Variants in CHST4 observed in about 807,000 individuals in gnomAD.
CHST4 encodes the protein carbohydrate sulfotransferase 4, also known as GST-3.
For missense variants in CHST4, 466 were observed against 506.0 expected, an observed-to-expected ratio of 0.92 and a Z score of 0.76; for synonymous variants, 171 against 195.5, an observed-to-expected ratio of 0.87 and a Z score of 1.05.
intron 1 of CHST4, among the ~76,000 whole-genome samples, chr16:71,532,980 T>C (rs564882243): frequency 8.5e-5 from 13 of 152,284 alleles, no homozygotes; most frequent in African/African-American, 1.7e-4. Context: ...CTAAGACATA[T>C]TGACAACTAA....
Position 71,537,693 on chromosome 16 carries a change from C to G in CHST4, c.1016C>G (p.Pro339Arg), listed in dbSNP as rs776139776. ...NVSQAWRWSL[P>R]YEKVSRLQKA... The stretch of plus-strand genomic sequence containing the variant: ...TCCCAGGCTTGGCGCTGGTCTTTGC[C>G]CTATGAAAAGGTTTCTCGACTTCAG... The change falls in exon 2 of 2, where the codon CCC becomes CGC. Residue 339 changes from proline (P) to arginine (R), a missense_variant. Pro to Arg is a moderately radical substitution (Grantham distance 103). Transcript: ENST00000539698. The surrounding 1 kb of genome is among the most constrained non-coding windows in gnomAD (Gnocchi z 4.2). 6.2e-7 allele frequency: 1 copy of G among 1,614,184 alleles called. No homozygotes were observed. The highest frequency in any genetic ancestry group is 1.1e-5 in the South Asian group (1 of 91,078).
intron 1 of CHST4, among the ~76,000 whole-genome samples, chr16:71,533,585 G>A (rs1004473710): frequency 2.0e-5 from 3 of 152,124 alleles, no homozygotes; most frequent in African/African-American, 7.2e-5. Context: ...GTAAAAAAGA[G>A]GGGACTGATT....
At chr16:71,530,163 C>A (rs764663251) in intron 1 of CHST4, among the ~76,000 whole-genome samples, 4 of 151,818 alleles carry the variant, frequency 2.6e-5, no homozygotes, top group Non-Finnish European at 4.4e-5. Flanking sequence ...AAAAAAAAGT[C>A]TCAGGAGAAA....
In CHST4 at chr16:71,537,216, G is replaced by C; in HGVS notation, c.539G>C (p.Arg180Pro). The C allele has an allele frequency of 6.2e-7, 1 of 1,614,152 alleles. No individual in the cohort carries two copies. Among genetic ancestry groups the C allele is most frequent in the South Asian group, 1.1e-5 (1 of 91,088 alleles). The change falls in exon 2 of 2, where the codon CGC becomes CCC. Residue 180 changes from arginine to proline, a missense_variant. By Grantham distance (103) the Arg-to-Pro change is moderately radical. Coordinates refer to ENST00000539698, the MANE Select transcript of CHST4 (RefSeq NM_001166395.2). This position sits in a 1 kb window ranked among gnomAD's most constrained non-coding sequence, Gnocchi z 4.2. ...AGCCACGTGGTGCTCAAGGAGGTGCGCTTCTTCAACCTGCAGTCCCTCTAC... is the reference window on the plus strand; with the variant it reads ...AGCCACGTGGTGCTCAAGGAGGTGCCCTTCTTCAACCTGCAGTCCCTCTAC... ...SYSHVVLKEV[R>P]FFNLQSLYPL...
At position 71,537,696 on chromosome 16, in the gene CHST4, A is replaced by C. The variant is rs1399024482; in HGVS notation, c.1019A>C (p.Tyr340Ser). ...CAGGCTTGGCGCTGGTCTTTGCCCT[A>C]TGAAAAGGTTTCTCGACTTCAGAAA... ...VSQAWRWSLPYEKVSRLQKAC... is the reference protein window; with the variant it reads ...VSQAWRWSLPSEKVSRLQKAC... Residue 340 changes from tyrosine to serine, a missense_variant, in exon 2 of 2, where the codon TAT (tyrosine) becomes TCT (serine). Physicochemically the swap from Tyr to Ser is moderately radical, Grantham distance 144. Coordinates refer to ENST00000539698, the MANE Select transcript of CHST4 (RefSeq NM_001166395.2). The surrounding 1 kb of genome is among the most constrained non-coding windows in gnomAD (Gnocchi z 4.2). The C allele has an allele frequency of 1.9e-6, 3 of 1,614,216 alleles. No individual in the cohort carries two copies. The South Asian group carries it at 3.3e-5, about 18-fold the overall frequency.
chr16:71,537,317 CGAGAA>C lies in CHST4; in HGVS notation c.641_645del (p.Arg214ProfsTer9), dbSNP rs763130415. The C allele has an allele frequency of 1.9e-6, 3 of 1,614,084 alleles. No homozygotes were observed. The Admixed American group carries it at 5.0e-5, about 27-fold the overall frequency. On this transcript the variant is annotated frameshift_variant, in exon 2 of 2. Coordinates refer to ENST00000539698, the MANE Select transcript of CHST4 (RefSeq NM_001166395.2). LOFTEE classifies it low-confidence loss of function (END_TRUNC). This position sits in a 1 kb window ranked among gnomAD's most constrained non-coding sequence, Gnocchi z 4.2. ...GGACCCCCGGGCCGTGTTCCGTTCC[CGAGAA>C]CGCACAAAGGGAGATCTCATGATTG...
chr16:71,538,630 T>C lies in CHST4; in HGVS notation c.*792T>C, dbSNP rs916689187. ...ATCTTTATTGGTTTTTTAAAACACC[T>C]TTGCTATTATCTATCACCCATTTAT... On this transcript the variant is annotated 3_prime_UTR_variant, in exon 2 of 2. Coordinates refer to ENST00000539698, the MANE Select transcript of CHST4 (RefSeq NM_001166395.2). The C allele has an allele frequency of 1.6e-4, 26 of 165,866 alleles. No homozygotes were observed. Among genetic ancestry groups the C allele is most frequent in the African/African-American group, 6.3e-4 (26 of 41,466 alleles). The allele number at this position is 165,866 out of a possible 1,614,324, so 10.3% of individuals were successfully genotyped here. A position where few individuals can be genotyped will look rare whatever the true frequency, so the allele number is the denominator to read the frequency against.
At chr16:71,527,719 G>A (rs1317205585) in intron 1 of CHST4, among the ~76,000 whole-genome samples, 1 of 152,044 alleles carries the variant, frequency 6.6e-6, no homozygotes, top group East Asian at 1.9e-4. Flanking sequence ...ACTCTAGCCT[G>A]GGCAACAAGA....
Position 71,537,500 on chromosome 16 carries a change from C to T in CHST4, c.823C>T (p.Arg275Cys). 1.2e-6 allele frequency: 2 copies of T among 1,614,150 alleles called. No homozygotes were observed. Among genetic ancestry groups the T allele is most frequent in the Non-Finnish European group, 1.7e-6 (2 of 1,180,030 alleles). The part of the protein sequence containing the change: ...KALQERYLLV[R>C]YEDLARAPVA... ...CCTGCAGGAACGCTACCTGCTTGTG[C>T]GCTATGAGGACCTGGCTCGAGCCCC... Residue 275 changes from arginine to cysteine, a missense_variant, in exon 2 of 2, where the codon CGC becomes TGC. Transcript: ENST00000539698. This position sits in a 1 kb window ranked among gnomAD's most constrained non-coding sequence, Gnocchi z 4.2.
At chr16:71,528,077 AC>A (rs1473302471) in intron 1 of CHST4, among the ~76,000 whole-genome samples, 27 of 151,994 alleles carry the variant, frequency 1.8e-4, no homozygotes. Flanking sequence ...GGAGTTCGAG[AC>A]CTGCCTGGCC....
At chr16:71,530,770 G>A (rs867290781) in intron 1 of CHST4, among the ~76,000 whole-genome samples, 1 of 149,934 alleles carries the variant, frequency 6.7e-6, no homozygotes, top group South Asian at 2.1e-4. Context: ...TGAGACCCCC[G>A]ACTCTAAAAA....
In CHST4 at chr16:71,537,923, G is replaced by A; in HGVS notation, c.*85G>A. 1 of 1,251,256 alleles carries A rather than the reference G, an allele frequency of 8.0e-7. No individual in the cohort carries two copies. The highest frequency in any genetic ancestry group is 1.1e-6 in the Non-Finnish European group (1 of 890,668). The allele number at this position is 1,251,256 out of a possible 1,614,324, so 77.5% of individuals were successfully genotyped here. ...TTCTGAGCCTTGCCTACATCTCTGAGCCTTAACTACATGTCTGTGGGTATC... is the reference window on the plus strand; with the variant it reads ...TTCTGAGCCTTGCCTACATCTCTGAACCTTAACTACATGTCTGTGGGTATC... On this transcript the variant is annotated 3_prime_UTR_variant, in exon 2 of 2. Transcript: ENST00000539698. The surrounding 1 kb of genome is among the most constrained non-coding windows in gnomAD (Gnocchi z 4.2).
In CHST4 at chr16:71,536,771, A is replaced by G; in HGVS notation, c.94A>G (p.Ser32Gly). ...CTTCCACATGTACAGCCACAACATC[A>G]GCTCCCTGTCTATGAAGGCACAGCC... The part of the protein sequence containing the change: ...LFFHMYSHNI[S>G]SLSMKAQPER... The change falls in exon 2 of 2, where the codon AGC (serine) becomes GGC (glycine). Residue 32 changes from serine (S) to glycine (G), a missense_variant. Physicochemically the swap from Ser to Gly is moderately conservative, Grantham distance 56 (BLOSUM62 0). Transcript: ENST00000539698. 1 of 1,512,676 alleles carries G rather than the reference A, an allele frequency of 6.6e-7. No individual in the cohort carries two copies. Among genetic ancestry groups the G allele is most frequent in the Non-Finnish European group, 8.8e-7 (1 of 1,131,098 alleles). 93.7% of individuals were successfully genotyped at this position (1,512,676 alleles called of 1,614,324 possible).
chr16:71,529,869 T>C (rs1231286835), intron 1 of CHST4, among the ~76,000 whole-genome samples: 3 of 152,132 alleles, frequency 2.0e-5, no homozygotes, highest in Non-Finnish European at 2.9e-5. Flanking sequence ...AAGAGGGGGC[T>C]GGGCGCGGTG....
intron 1 of CHST4, among the ~76,000 whole-genome samples, chr16:71,530,775 T>C (rs2043942786): frequency 6.8e-6 from 1 of 146,192 alleles, no homozygotes; most frequent in African/African-American, 2.6e-5. Context: ...CCCCCGACTC[T>C]AAAAAAGGAA....
intron 1 of CHST4, among the ~76,000 whole-genome samples, chr16:71,534,792 A>T (rs1015684257): frequency 1.3e-5 from 2 of 152,228 alleles, no homozygotes. Context: ...CCATCTGGAA[A>T]TCTAGCCTCT....
rs183805336 is a variant in CHST4, at chr16:71,529,227, C to G, written c.-19+2732C>G. On this transcript the variant is annotated intron_variant, in intron 1 of 1. Coordinates refer to ENST00000539698, the MANE Select transcript of CHST4 (RefSeq NM_001166395.2). The stretch of plus-strand genomic sequence containing the variant: ...ATGTTTTCTAAAACTAATTTTCATA[C>G]AGGAAGAGAAAAATAATTTCCCTCC... Among the ~76,000 whole-genome samples, 152 of 151,532 alleles carry G rather than the reference C, an allele frequency of 1.0e-3. 3 individuals are homozygous for G. Among genetic ancestry groups the G allele is most frequent in the Middle Eastern group, 3.4e-3 (1 of 294 alleles).
Position 71,536,687 on chromosome 16 carries a change from C to A in CHST4, c.10C>A (p.Pro4Thr), listed in dbSNP as rs776931338. ...CTTCCACTTCAGCACAATGCTACTGCCTAAAAAAATGAAGCTCCTGCTGTT... is the reference window on the plus strand; with the variant it reads ...CTTCCACTTCAGCACAATGCTACTGACTAAAAAAATGAAGCTCCTGCTGTT... MLL[P>T]KKMKLLLFLV... The change falls in exon 2 of 2, where the codon CCT becomes ACT. Residue 4 changes from proline to threonine, a missense_variant. Coordinates refer to ENST00000539698, the MANE Select transcript of CHST4 (RefSeq NM_001166395.2). 1.3e-6 allele frequency: 2 copies of A among 1,491,416 alleles called. No homozygotes were observed. Among genetic ancestry groups the A allele is most frequent in the Non-Finnish European group, 1.8e-6 (2 of 1,122,370 alleles). 92.4% of individuals were successfully genotyped at this position (1,491,416 alleles called of 1,614,324 possible).
intron 1 of CHST4, among the ~76,000 whole-genome samples, chr16:71,531,261 C>T (rs910228192): frequency 1.3e-5 from 2 of 151,976 alleles, no homozygotes; most frequent in Non-Finnish European, 2.9e-5. Context: ...CCTGGTGACT[C>T]GCATCACCTC....
Sources: gnomAD v4.1 joint callset for allele counts (sites outside exome capture counted in the v4.1 genomes callset) on GRCh38, gnomAD v4.1.1 for gene constraint, Gnocchi (gnomAD v3.1) non-coding constraint, MANE v1.5 for transcripts, NCBI Gene and HGNC (gene_info 2026-07-23, HGNC 2026-07-21) for gene names.